Variants in OCRL observed in about 807,000 individuals in gnomAD.
OCRL encodes the protein OCRL inositol polyphosphate-5-phosphatase.
Under a neutral mutation model 78.9 loss-of-function variants are expected in OCRL, and 8 were observed. The observed-to-expected ratio is 0.10, with a 90% CI of 0.06 to 0.18. The LOEUF (loss-of-function observed/expected upper bound fraction) is 0.18, where lower values mean the gene tolerates loss of function less well. OCRL is among the 10% of genes least tolerant of loss of function. The pLI, the probability that OCRL is intolerant of heterozygous loss-of-function variation, is 1.00. For synonymous variants in OCRL, 240 were observed against 235.4 expected, an observed-to-expected ratio of 1.02 and a Z score of -0.18; for missense variants, 454 against 696.7, an observed-to-expected ratio of 0.65 and a Z score of 3.92.
chrX:129,585,544 C>G (rs772558616), intron 19 of OCRL, among the ~76,000 whole-genome samples: 1 of 112,128 alleles, frequency 8.9e-6, no homozygotes, highest in African/African-American at 3.2e-5. Context: ...GCATGATGGA[C>G]AGTGTTTTGT....
intron 4 of OCRL, among the ~76,000 whole-genome samples, chrX:129,555,875 A>G (rs1342449733): frequency 8.9e-6 from 1 of 112,129 alleles, no homozygotes; most frequent in African/African-American, 3.2e-5. Context: ...TTTAGTATAA[A>G]TAATCTGAGA....
chrX:129,583,243 C>CT (rs1022432642), intron 18 of OCRL, among the ~76,000 whole-genome samples: 2 of 112,265 alleles, frequency 1.8e-5, no homozygotes, highest in Non-Finnish European at 3.8e-5. Flanking sequence ...TGCCTATACT[C>CT]TTTCCATTAA....
At chrX:129,567,494 C>A (rs753323908) in intron 14 of OCRL, 131 bp downstream of exon 14, 1 of 485,184 alleles carries the variant, frequency 2.1e-6, no homozygotes, top group East Asian at 3.7e-5. Context: ...TGGCTCAGTG[C>A]CTCAGTGCTA....
At position 129,540,662 on chromosome X, in the gene OCRL, G is replaced by GC. The variant is rs1395450728; in HGVS notation, c.40-82_40-81insC. 0.069 allele frequency: 55,869 copies of GC among 805,576 alleles called. 2,228 individuals are homozygous for GC. Among genetic ancestry groups the GC allele is most frequent in the Non-Finnish European group, 0.081 (43,973 of 540,802 alleles). 66.4% of individuals were successfully genotyped at this position (805,576 alleles called of 1,213,427 possible). On this transcript the variant is annotated intron_variant, in intron 1 of 23. Transcript: ENST00000371113. ...GCGGGGGAGGGCGGCGGTGGGGGGG[G>GC]GGTGGAAGACCCCCTTCGCCCCGCA...
chrX:129,566,997 A>G (rs1469162124), intron 13 of OCRL, among the ~76,000 whole-genome samples: 1 of 111,900 alleles, frequency 8.9e-6, no homozygotes, highest in Non-Finnish European at 1.9e-5. Context: ...TTTCCATTTT[A>G]CCCTCTGCCA....
rs5977103 is a variant in OCRL, at chrX:129,541,810, G to A, written c.119+987G>A. 4.2e-3 allele frequency among the ~76,000 whole-genome samples: 473 copies of A among 111,904 alleles called. 1 individual carries two copies. Among genetic ancestry groups the A allele is most frequent in the African/African-American group, 0.014 (426 of 30,754 alleles). On this transcript the variant is annotated intron_variant, in intron 2 of 23. Transcript: ENST00000371113. ...GTATCTATGCTGTCAGATTTACACG[G>A]AAGAAATTCCCACTGGCCCAACCTG...
At position 129,588,275 on chromosome X, in the gene OCRL, G is replaced by C. The variant is rs756410458; in HGVS notation, c.2341+12G>C. ...TCCTGAGACAATCCGTATCCTTTGC[G>C]ACCAAAGCTTAAGAAGCTGGATGAG... On this transcript the variant is annotated intron_variant, in intron 21 of 23. Transcript: ENST00000371113. 2.0e-4 allele frequency: 235 copies of C among 1,150,560 alleles called. 4 individuals are homozygous for C. The South Asian group carries it at 4.0e-3, about 19-fold the overall frequency. The allele number at this position is 1,150,560 out of a possible 1,213,427, so 94.8% of individuals were successfully genotyped here. A position where few individuals can be genotyped will look rare whatever the true frequency, so the allele number is the denominator to read the frequency against.
intron 3 of OCRL, among the ~76,000 whole-genome samples, chrX:129,547,254 G>C (rs1392759605): frequency 4.5e-5 from 5 of 110,107 alleles, no homozygotes; most frequent in Non-Finnish European, 7.6e-5. Context: ...GGCTGGGCGC[G>C]GTGGCTCAGG....
At position 129,588,203 on chromosome X, in the gene OCRL, A is replaced by T; in HGVS notation, c.2281A>T (p.Met761Leu). 8.3e-7 allele frequency: 1 copy of T among 1,206,379 alleles called. No homozygotes were observed. Among genetic ancestry groups the T allele is most frequent in the Admixed American group, 2.2e-5 (1 of 45,989 alleles). ...HQEDLFQTPGMQEELQQIIDC... is the reference protein window; with the variant it reads ...HQEDLFQTPGLQEELQQIIDC... ...GGAGGACCTGTTCCAGACCCCTGGAATGCAGGAAGAGCTCCAGCAGATCAT... is the reference window on the plus strand; with the variant it reads ...GGAGGACCTGTTCCAGACCCCTGGATTGCAGGAAGAGCTCCAGCAGATCAT... The change falls in exon 21 of 24, where the codon ATG becomes TTG. Residue 761 changes from methionine to leucine, a missense_variant. By Grantham distance (15) the Met-to-Leu change is conservative (BLOSUM62 2). Around this residue, in one of 2 missense-constraint regions of OCRL, gnomAD observed 277 missense variants for 517.1 expected, o/e 0.54. Transcript: ENST00000371113.
In OCRL at chrX:129,588,973, G is replaced by A. The variant is rs756056932; in HGVS notation, c.2429G>A (p.Arg810Gln). The A allele has an allele frequency of 3.3e-6, 4 of 1,209,826 alleles. No homozygotes were observed. Among genetic ancestry groups the A allele is most frequent in the Non-Finnish European group, 4.5e-6 (4 of 894,907 alleles). Residue 810 changes from arginine to glutamine, a missense_variant, in exon 22 of 24, where the codon CGA becomes CAA. Transcript: ENST00000371113. The stretch of plus-strand genomic sequence containing the variant: ...GTCATCTGTTACGAGCTGTATCAGC[G>A]ATGTCTTGACTCTGCTTATGATCCC... ...EPVICYELYQ[R>Q]CLDSAYDPRI...
intron 19 of OCRL, 116 bp from the exon 20 acceptor site, chrX:129,586,886 C>T: frequency 6.9e-6 from 4 of 582,919 alleles, no homozygotes; most frequent in Non-Finnish European, 1.2e-5. Context: ...AATGGAAAAT[C>T]TTAAGAGATG....
intron 15 of OCRL, among the ~76,000 whole-genome samples, chrX:129,574,286 C>T (rs1055798770): frequency 9.8e-5 from 11 of 112,036 alleles, no homozygotes; most frequent in Admixed American, 1.9e-4. Context: ...AAAAAGAAAC[C>T]GATATCTCAA....
chrX:129,589,140 G>A, intron 22 of OCRL, 127 bp downstream of exon 22: 4 of 739,913 alleles, frequency 5.4e-6, no homozygotes, highest in Non-Finnish European at 8.3e-6. Context: ...TTAATGGCAG[G>A]ACACCAACAT....
At chrX:129,554,632 A>G (rs942223631) in intron 4 of OCRL, among the ~76,000 whole-genome samples, 1 of 111,821 alleles carries the variant, frequency 8.9e-6, no homozygotes, top group Admixed American at 9.5e-5. Flanking sequence ...AAATTACTTC[A>G]GGTGTGAGAG....
Position 129,575,914 on chromosome X carries a change from G to A in OCRL, c.1731G>A (p.Val577=). The change falls in exon 17 of 24, where the codon GTG becomes GTA. Residue 577 remains valine, a synonymous_variant. Coordinates refer to ENST00000371113, the MANE Select transcript of OCRL (RefSeq NM_000276.4). ...TTCCCCAGTTTGTGTTTGAAAATGT[G>A]AAGTTTCGGCAACTACAAAAGGAGA... ...LSRREFVFEN[V]KFRQLQKEKF... is the part of the protein sequence containing the mutation. 2 of 1,211,958 alleles carry A rather than the reference G, an allele frequency of 1.7e-6. No homozygotes were observed. Among genetic ancestry groups the A allele is most frequent in the Non-Finnish European group, 2.2e-6 (2 of 895,502 alleles).
chrX:129,581,865 CTG>C (rs200282770), intron 18 of OCRL, among the ~76,000 whole-genome samples: 88 of 92,243 alleles, frequency 9.5e-4, no homozygotes, highest in East Asian at 4.7e-3. Flanking sequence ...CTCTCTCTCT[CTG>C]TCTCTGTCTC....
chrX:129,575,736 A>G lies in OCRL; in HGVS notation c.1714-161A>G, dbSNP rs17304790. 9.9e-3 allele frequency: 5,351 copies of G among 540,809 alleles called. 32 individuals are homozygous for G. Among genetic ancestry groups the G allele is most frequent in the Non-Finnish European group, 0.013 (4,166 of 316,895 alleles). The allele number at this position is 540,809 out of a possible 1,213,427, so 44.6% of individuals were successfully genotyped here. ...TCTGCTGGTGTGAGTATAATAATAC[A>G]TGCAAGTGGATGTTGTGAAGTTGGT... On this transcript the variant is annotated intron_variant, in intron 16 of 23. Coordinates refer to ENST00000371113, the MANE Select transcript of OCRL (RefSeq NM_000276.4).
intron 20 of OCRL, among the ~76,000 whole-genome samples, chrX:129,587,949 G>A (rs1186883321): frequency 1.8e-5 from 2 of 111,252 alleles, no homozygotes; most frequent in Non-Finnish European, 3.8e-5. Flanking sequence ...GCCTTATTAG[G>A]TACAGGCTAA....
At chrX:129,567,213 T>G in intron 13 of OCRL, 41 bp from the exon 14 acceptor site, 4 of 898,611 alleles carry the variant, frequency 4.5e-6, no homozygotes, top group Non-Finnish European at 6.5e-6. Flanking sequence ...TATATTAAGA[T>G]AGTGTTATCC....
Sources: gnomAD v4.1 joint callset for allele counts (sites outside exome capture counted in the v4.1 genomes callset) on GRCh38, gnomAD v4.1.1 for gene constraint, gnomAD v4.1.1 regional missense constraint, MANE v1.5 for transcripts, NCBI Gene and HGNC (gene_info 2026-07-23, HGNC 2026-07-21) for gene names.